Variants in ZNF263 observed in about 807,000 individuals in gnomAD.
ZNF263 encodes the protein zinc finger protein FPM315.
In ZNF263, 49 loss-of-function variants were observed where a neutral mutation model predicts 63.1. The ratio of observed to expected loss-of-function variants is 0.78; its 90% CI spans 0.62 to 0.99. ZNF263 has a LOEUF of 0.99. Ranked by LOEUF, ZNF263 falls within the 50% of genes least tolerant of loss-of-function variation. ZNF263 has a pLI of 0.00. For synonymous variants in ZNF263, 352 were observed against 324.2 expected, an observed-to-expected ratio of 1.09 and a Z score of -0.92; for missense variants, 872 against 854.8, an observed-to-expected ratio of 1.02 and a Z score of -0.25.
At chr16:3,284,283 C>A (rs1567249011) in intron 1 of ZNF263, 78 bp downstream of exon 1, 1 of 1,455,590 alleles carries the variant, frequency 6.9e-7, no homozygotes, top group Non-Finnish European at 9.1e-7. Flanking sequence ...CGGTCGAATT[C>A]AAGTAAATTG....
chr16:3,289,564 T>C lies in ZNF263; in HGVS notation c.1058T>C (p.Met353Thr), dbSNP rs1330029216. The part of the protein sequence containing the change: ...GDWAPPPEGG[M>T]EQALAGASSG... The stretch of plus-strand genomic sequence containing the variant: ...TGGGCGCCTCCCCCAGAGGGTGGAA[T>C]GGAGCAGGCCTTGGCAGGAGCCTCA... The change falls in exon 6 of 6, where the codon ATG becomes ACG. Residue 353 changes from methionine (M) to threonine (T), a missense_variant. Coordinates refer to ENST00000219069, the MANE Select transcript of ZNF263 (RefSeq NM_005741.5). The C allele has an allele frequency of 1.2e-6, 2 of 1,613,168 alleles. No individual in the cohort carries two copies. The highest frequency in any genetic ancestry group is 2.2e-5 in the South Asian group (2 of 91,038).
In ZNF263 at chr16:3,290,622, G is replaced by A; in HGVS notation, c.*64G>A. 7 of 1,524,710 alleles carry A rather than the reference G, an allele frequency of 4.6e-6. No individual in the cohort carries two copies. Among genetic ancestry groups the A allele is most frequent in the Non-Finnish European group, 5.2e-6 (6 of 1,143,416 alleles). The allele number at this position is 1,524,710 out of a possible 1,614,324, so 94.4% of individuals were successfully genotyped here. A position where few individuals can be genotyped will look rare whatever the true frequency, so the allele number is the denominator to read the frequency against. On this transcript the variant is annotated 3_prime_UTR_variant, in exon 6 of 6. Coordinates refer to ENST00000219069, the MANE Select transcript of ZNF263 (RefSeq NM_005741.5). ...TATTCAGAGGAGCCTGTTGGCAAGAGCTGGTATTCCCTGCCCAGCCGACCA... is the reference window on the plus strand; with the variant it reads ...TATTCAGAGGAGCCTGTTGGCAAGAACTGGTATTCCCTGCCCAGCCGACCA...
chr16:3,299,606 T>TC (rs1356182474), intron 2 of ZNF263: 1 of 1,561,340 alleles, frequency 6.4e-7, no homozygotes. Flanking sequence ...CGTTTGCAGC[T>TC]CAAGATCACA....
chr16:3,300,180 G>C lies in ZNF263; in HGVS notation c.*47-733G>C, dbSNP rs113947684. 9.7e-4 allele frequency: 1,562 copies of C among 1,614,184 alleles called. 17 individuals carry two copies. The African/African-American group carries it at 0.018, about 19-fold the overall frequency. ...CAACATTTTCAGAAACTGAACTTAG[G>C]ACTTGTTCCCCACATCCTTTTCGGT... On this transcript the variant is annotated intron_variant, in intron 2 of 2. Transcript: ENST00000574674.
At chr16:3,300,518 C>T in intron 2 of ZNF263, 1 of 1,614,012 alleles carries the variant, frequency 6.2e-7, no homozygotes, top group South Asian at 1.1e-5. Context: ...CCAAATTCAT[C>T]CATTACACTT....
chr16:3,289,912 A>G lies in ZNF263; in HGVS notation c.1406A>G (p.Lys469Arg). The change falls in exon 6 of 6, where the codon AAA becomes AGA. Residue 469 changes from lysine (K) to arginine (R), a missense_variant. By Grantham distance (26) the Lys-to-Arg change is conservative. Coordinates refer to ENST00000219069, the MANE Select transcript of ZNF263 (RefSeq NM_005741.5). ...CCCTATCAGTGCAACATTTGCGGAA[A>G]ATGTTTCTCCTGCAACTCCAACCTC... ...EKPYQCNICG[K>R]CFSCNSNLHR... The G allele has an allele frequency of 6.2e-7, 1 of 1,614,148 alleles. No individual in the cohort carries two copies. The highest frequency in any genetic ancestry group is 8.5e-7 in the Non-Finnish European group (1 of 1,180,030).
intron 3 of ZNF263, 74 bp from the exon 4 acceptor site, chr16:3,285,949 C>T (rs567079848): frequency 3.7e-6 from 6 of 1,610,476 alleles, no homozygotes; most frequent in Middle Eastern, 1.7e-4. Flanking sequence ...CTGGATTTTG[C>T]CCCTTTAACC....
Position 3,290,702 on chromosome 16 carries a change from G to T in ZNF263, c.*144G>T. The T allele has an allele frequency of 7.0e-7, 1 of 1,435,404 alleles. No individual in the cohort carries two copies. Among genetic ancestry groups the T allele is most frequent in the Non-Finnish European group, 9.1e-7 (1 of 1,100,638 alleles). The allele number at this position is 1,435,404 out of a possible 1,614,324, so 88.9% of individuals were successfully genotyped here. A position where few individuals can be genotyped will look rare whatever the true frequency, so the allele number is the denominator to read the frequency against. On this transcript the variant is annotated 3_prime_UTR_variant, in exon 6 of 6. Transcript: ENST00000219069. ...GGCTCATTGTGAGGGAGGTGCAGAGGCAGCAGAGGATTGGCATAAAACTGA... is the reference window on the plus strand; with the variant it reads ...GGCTCATTGTGAGGGAGGTGCAGAGTCAGCAGAGGATTGGCATAAAACTGA...
chr16:3,286,207 G>T, intron 4 of ZNF263, 58 bp downstream of exon 4: 1 of 1,523,426 alleles, frequency 6.6e-7, no homozygotes. Context: ...GGTCCTGCCC[G>T]TTATTCATTC....
chr16:3,291,371 G>A lies in ZNF263; in HGVS notation c.*813G>A. On this transcript the variant is annotated 3_prime_UTR_variant, in exon 6 of 6. Coordinates refer to ENST00000219069, the MANE Select transcript of ZNF263 (RefSeq NM_005741.5). ...GGAAAGAGAGATTCCCTGGAAAATT[G>A]AAAATGTGAATCCTAGGGGGAAATT... is the stretch of plus-strand genomic sequence containing the variant. 1.0e-6 allele frequency: 1 copy of A among 985,388 alleles called. No individual in the cohort carries two copies. The highest frequency in any genetic ancestry group is 1.2e-6 in the Non-Finnish European group (1 of 829,926). 61.0% of individuals were successfully genotyped at this position (985,388 alleles called of 1,614,324 possible).
Position 3,286,276 on chromosome 16 carries a change from G to A in ZNF263, c.769+127G>A, listed in dbSNP as rs554155999. On this transcript the variant is annotated intron_variant, in intron 4 of 5. Coordinates refer to ENST00000219069, the MANE Select transcript of ZNF263 (RefSeq NM_005741.5). Reference sequence around the variant, plus strand: ...AAGCCTCCACAGGAGACTTCCCTTTGTCTAAAGTCCCCTGTACGAGAGTCA... The same window carrying A: ...AAGCCTCCACAGGAGACTTCCCTTTATCTAAAGTCCCCTGTACGAGAGTCA... The A allele has an allele frequency of 7.2e-6, 10 of 1,382,232 alleles. No homozygotes were observed. In the East Asian group the frequency reaches 2.0e-4, roughly 28 times the overall value. 85.6% of individuals were successfully genotyped at this position (1,382,232 alleles called of 1,614,324 possible). A position where few individuals can be genotyped will look rare whatever the true frequency, so the allele number is the denominator to read the frequency against.
chr16:3,288,409 G>T (rs765265455), intron 4 of ZNF263, 45 bp from the exon 5 acceptor site: 36 of 1,409,566 alleles, frequency 2.6e-5, no homozygotes, highest in Middle Eastern at 1.8e-4. Flanking sequence ...TACCCTGGTA[G>T]AGGAAAGTGG....
Position 3,299,330 on chromosome 16 carries a change from C to A in ZNF263, c.*46+174C>A, listed in dbSNP as rs777982477. 6 of 1,594,604 alleles carry A rather than the reference C, an allele frequency of 3.8e-6. No homozygotes were observed. The South Asian group carries it at 5.8e-5, about 15-fold the overall frequency. On this transcript the variant is annotated intron_variant, in intron 2 of 2. Transcript: ENST00000574674. ...TCATCATCCAACTTAGTTTCCAACTCCCCACATTTTTCAAGAATTTCTCTA... is the reference window on the plus strand; with the variant it reads ...TCATCATCCAACTTAGTTTCCAACTACCCACATTTTTCAAGAATTTCTCTA...
chr16:3,290,824 A>G lies in ZNF263; in HGVS notation c.*266A>G. 2 of 1,219,938 alleles carry G rather than the reference A, an allele frequency of 1.6e-6. No individual in the cohort carries two copies. Among genetic ancestry groups the G allele is most frequent in the Non-Finnish European group, 2.0e-6 (2 of 975,904 alleles). 75.6% of individuals were successfully genotyped at this position (1,219,938 alleles called of 1,614,324 possible). A position where few individuals can be genotyped will look rare whatever the true frequency, so the allele number is the denominator to read the frequency against. On this transcript the variant is annotated 3_prime_UTR_variant, in exon 6 of 6. Transcript: ENST00000219069. ...GTCCACCCTGCCCCAGGGTGCTCCT[A>G]CCCTCTTGGTCTTTTTAAAGCCAAG...
At position 3,290,467 on chromosome 16, in the gene ZNF263, C is replaced by T. The variant is rs373512796; in HGVS notation, c.1961C>T (p.Thr654Met). ...CGGATTCGCCACCTGAGAACGCATA[C>T]GGGAGAGAGACCCTATAAATGTTCT... is the stretch of plus-strand genomic sequence containing the variant. ...SNRIRHLRTH[T>M]GERPYKCSEC... Residue 654 changes from threonine (T) to methionine (M), a missense_variant, in exon 6 of 6, where the codon ACG becomes ATG. Physicochemically the swap from Thr to Met is moderately conservative, Grantham distance 81. Transcript: ENST00000219069. 20 of 1,613,978 alleles carry T rather than the reference C, an allele frequency of 1.2e-5. No homozygotes were observed. The highest frequency in any genetic ancestry group is 2.2e-5 in the East Asian group (1 of 44,878).
At chr16:3,297,112 G>A (rs998535921) in intron 1 of ZNF263, among the ~76,000 whole-genome samples, 4 of 152,026 alleles carry the variant, frequency 2.6e-5, no homozygotes, top group Admixed American at 6.6e-5. Context: ...AGACCAACCT[G>A]AGAAACATGG....
chr16:3,289,367 G>A (rs372432161), intron 5 of ZNF263, 26 bp from the exon 6 acceptor site: 255 of 1,502,038 alleles, frequency 1.7e-4, no homozygotes, highest in Non-Finnish European at 2.0e-4. Flanking sequence ...AATAATGTAC[G>A]GGTTTGGTTT....
At chr16:3,284,314 G>A in intron 1 of ZNF263, 109 bp downstream of exon 1, 2 of 1,391,234 alleles carry the variant, frequency 1.4e-6, no homozygotes, top group Non-Finnish European at 1.9e-6. Context: ...ACCTTACGTG[G>A]GGAAGAGGAC....
chr16:3,297,670 T>A (rs963507215), intron 1 of ZNF263, among the ~76,000 whole-genome samples: 1 of 151,578 alleles, frequency 6.6e-6, no homozygotes, highest in African/African-American at 2.4e-5. Flanking sequence ...TTCACCATGT[T>A]AGCCAAGATG....
Sources: allele counts gnomAD v4.1 joint callset (sites outside exome capture counted in the v4.1 genomes callset), GRCh38; gene constraint gnomAD v4.1.1; transcripts MANE v1.5; gene names NCBI Gene and HGNC (gene_info 2026-07-23, HGNC 2026-07-21).